IGFBP7: variants seen among roughly 807,000 people sequenced by gnomAD.
IGFBP7 encodes the protein insulin like growth factor binding protein 7, also known as insulin-like growth factor-binding protein 7.
A neutral mutation model predicts 29.4 loss-of-function variants in IGFBP7; 31 were observed. The observed-to-expected ratio is 1.05, with a 90% CI of 0.79 to 1.42. The LOEUF (loss-of-function observed/expected upper bound fraction) is 1.42. IGFBP7 is among the 40% of genes most tolerant of loss of function. The pLI is 0.00. For synonymous variants in IGFBP7, 172 were observed against 174.9 expected, an observed-to-expected ratio of 0.98 and a Z score of 0.13; for missense variants, 393 against 395.5, an observed-to-expected ratio of 0.99 and a Z score of 0.05.
chr4:57,060,779 C>T (rs561260815), intron 1 of IGFBP7, among the ~76,000 whole-genome samples: 3 of 152,048 alleles, frequency 2.0e-5, no homozygotes, highest in South Asian at 2.1e-4. Context: ...ATTAGCCAGG[C>T]GTGGTGGTGT....
intron 1 of IGFBP7, among the ~76,000 whole-genome samples, chr4:57,074,811 T>C: frequency 6.6e-6 from 1 of 152,236 alleles, no homozygotes; most frequent in South Asian, 2.1e-4. Flanking sequence ...GCTTCAGGAA[T>C]TTAAATTGTA....
chr4:57,057,276 T>C (rs974443369), intron 1 of IGFBP7, among the ~76,000 whole-genome samples: 8 of 152,202 alleles, frequency 5.3e-5, no homozygotes, highest in Non-Finnish European at 1.0e-4. Context: ...TCCCAAAGCG[T>C]TGGGATTACA....
chr4:57,107,436 C>G (rs1269536982), intron 1 of IGFBP7, among the ~76,000 whole-genome samples: 1 of 152,160 alleles, frequency 6.6e-6, no homozygotes, highest in Non-Finnish European at 1.5e-5. Flanking sequence ...TGCAAAGCCC[C>G]AGTATGAAAT....
intron 1 of IGFBP7, among the ~76,000 whole-genome samples, chr4:57,048,013 T>C (rs182072249): frequency 6.6e-6 from 1 of 151,012 alleles, no homozygotes; most frequent in Admixed American, 6.6e-5. Context: ...GGATTATAGG[T>C]GTAAGTCACC....
chr4:57,087,528 C>T (rs1397499500), intron 1 of IGFBP7, among the ~76,000 whole-genome samples: 1 of 152,186 alleles, frequency 6.6e-6, no homozygotes, highest in Admixed American at 6.5e-5. Context: ...TCCCTGGGCA[C>T]TACTTGCTGA....
Position 57,049,090 on chromosome 4 carries a change from T to C in IGFBP7, c.476-8157A>G, listed in dbSNP as rs373261160. Among the ~76,000 whole-genome samples, 4 of 152,254 alleles carry C rather than the reference T, an allele frequency of 2.6e-5. No individual in the cohort carries two copies. The East Asian group carries it at 7.7e-4, about 29-fold the overall frequency. ...AATCAGTTCAATGCATTTCCTCACCTACCTAAACACGATGTATGTGACTCA... is the reference window on the plus strand; with the variant it reads ...AATCAGTTCAATGCATTTCCTCACCCACCTAAACACGATGTATGTGACTCA... On this transcript the variant is annotated intron_variant, in intron 1 of 4. Coordinates refer to ENST00000295666, the MANE Select transcript of IGFBP7 (RefSeq NM_001553.3).
chr4:57,110,292 G>A lies in IGFBP7; in HGVS notation c.60C>T (p.Leu20=). ...AAGAGGAGGAAGAGGAGAGGGGCAG[G>A]AGCAGGAGCAGCAGCCCAGCGGCGC... ...LLGAAGLLLL[L]LPLSSSSSSD... The change falls in exon 1 of 5, where the codon CTC becomes CTT. Residue 20 remains leucine (L), a synonymous_variant. Coordinates refer to ENST00000295666, the MANE Select transcript of IGFBP7 (RefSeq NM_001553.3). 1 of 1,426,104 alleles carries A rather than the reference G, an allele frequency of 7.0e-7. No individual in the cohort carries two copies. Among genetic ancestry groups the A allele is most frequent in the Non-Finnish European group, 9.2e-7 (1 of 1,090,324 alleles). The allele number at this position is 1,426,104 out of a possible 1,614,324, so 88.3% of individuals were successfully genotyped here.
intron 1 of IGFBP7, among the ~76,000 whole-genome samples, chr4:57,056,297 A>AT (rs1384330839): frequency 6.6e-6 from 1 of 151,852 alleles, no homozygotes; most frequent in Non-Finnish European, 1.5e-5. Context: ...CATTTTTGGT[A>AT]TTTTCTCTAG....
intron 2 of IGFBP7, among the ~76,000 whole-genome samples, chr4:57,039,102 G>A (rs1046159370): frequency 8.7e-5 from 13 of 148,852 alleles, no homozygotes; most frequent in Non-Finnish European, 1.9e-4. Flanking sequence ...AAAAACGTAA[G>A]TGTATGGTAT....
At chr4:57,051,640 GGTAATAGACTATA>G (rs1175203939) in intron 1 of IGFBP7, among the ~76,000 whole-genome samples, 1 of 152,198 alleles carries the variant, frequency 6.6e-6, no homozygotes, top group Non-Finnish European at 1.5e-5. Context: ...AATGCTGGGA[GGTAATAGACTATA>G]GTGACTTTGG....
intron 1 of IGFBP7, among the ~76,000 whole-genome samples, chr4:57,042,200 C>A (rs1389572494): frequency 6.6e-6 from 1 of 152,180 alleles, no homozygotes; most frequent in Admixed American, 6.5e-5. Flanking sequence ...TCAACACAAA[C>A]CATGTGTATC....
At chr4:57,095,944 T>G (rs1256247842) in intron 1 of IGFBP7, among the ~76,000 whole-genome samples, 1 of 152,122 alleles carries the variant, frequency 6.6e-6, no homozygotes, top group African/African-American at 2.4e-5. Flanking sequence ...GCATTCATTT[T>G]GCAACAAGAA....
chr4:57,036,114 C>G (rs1246275719), intron 2 of IGFBP7, among the ~76,000 whole-genome samples: 1 of 152,164 alleles, frequency 6.6e-6, no homozygotes, highest in East Asian at 1.9e-4. Flanking sequence ...TATTACGTAG[C>G]TGTTGAGAAG....
intron 2 of IGFBP7, among the ~76,000 whole-genome samples, chr4:57,036,747 G>C (rs529227900): frequency 1.1e-4 from 16 of 152,264 alleles, no homozygotes; most frequent in African/African-American, 3.9e-4. Context: ...TGGAGAAAAG[G>C]CTTGTACCAT....
In IGFBP7 at chr4:57,068,009, T is replaced by C. The variant is rs112755500; in HGVS notation, c.476-27076A>G. Among the ~76,000 whole-genome samples, 88 of 152,208 alleles carry C rather than the reference T, an allele frequency of 5.8e-4. No individual in the cohort carries two copies. The Middle Eastern group carries it at 0.01, about 18-fold the overall frequency. On this transcript the variant is annotated intron_variant, in intron 1 of 4. Transcript: ENST00000295666. ...ACAAGAAATTTGGGAATCACTGATC[T>C]GGAAATAGGTTGAGGTTTCAAAAGA...
intron 1 of IGFBP7, among the ~76,000 whole-genome samples, chr4:57,094,755 G>T (rs1725722451): frequency 6.6e-6 from 1 of 152,204 alleles, no homozygotes; most frequent in Non-Finnish European, 1.5e-5. Context: ...GTTCTCTAAT[G>T]CTTGTTGCTG....
intron 1 of IGFBP7, among the ~76,000 whole-genome samples, chr4:57,092,327 T>A (rs1448923608): frequency 6.6e-6 from 1 of 152,254 alleles, no homozygotes; most frequent in East Asian, 1.9e-4. Flanking sequence ...AGTACACATA[T>A]CCTTTCTGTT....
chr4:57,075,834 T>C lies in IGFBP7; in HGVS notation c.475+34043A>G, dbSNP rs6844123. Among the ~76,000 whole-genome samples the C allele has an allele frequency of 4.4e-3, 672 of 152,336 alleles. 9 individuals are homozygous for C. The highest frequency in any genetic ancestry group is 0.015 in the African/African-American group (634 of 41,568). ...CATCAAGGAGCTACCTGAATATCTG[T>C]GTATGACTGAAGTACCTGCCTTTCC... On this transcript the variant is annotated intron_variant, in intron 1 of 4. Coordinates refer to ENST00000295666, the MANE Select transcript of IGFBP7 (RefSeq NM_001553.3).
At chr4:57,051,686 T>A (rs1724505556) in intron 1 of IGFBP7, among the ~76,000 whole-genome samples, 1 of 152,208 alleles carries the variant, frequency 6.6e-6, no homozygotes, top group African/African-American at 2.4e-5. Context: ...GAATCAGGAA[T>A]TCTGCTCTAC....
Sources: allele counts gnomAD v4.1 joint callset (sites outside exome capture counted in the v4.1 genomes callset), GRCh38; gene constraint gnomAD v4.1.1; transcripts MANE v1.5; gene names NCBI Gene and HGNC (gene_info 2026-07-23, HGNC 2026-07-21).